The following FILIP1 variants were observed in gnomAD, a reference collection of about 807,000 sequenced individuals.
FILIP1 encodes the protein filamin A interacting protein 1.
FILIP1 carries 61 observed loss-of-function variants against 102.1 expected under a neutral mutation model. The ratio of observed to expected loss-of-function variants is 0.60; its 90% confidence interval spans 0.49 to 0.74. The LOEUF (loss-of-function observed/expected upper bound fraction) is 0.74, where lower values mean the gene tolerates loss of function less well. Among genes scored for constraint, FILIP1 ranks in the 30% least tolerant of loss-of-function variants. The pLI, the probability that FILIP1 is intolerant of heterozygous loss-of-function variation, is 0.00. For missense variants in FILIP1, 1,314 were observed against 1,441.2 expected (o/e 0.91, Z 1.43); for synonymous variants, 491 against 526.9 (o/e 0.93, Z 0.93).
intron 1 of FILIP1, among the ~76,000 whole-genome samples, chr6:75,491,971 C>T (rs566083052): frequency 3.9e-5 from 6 of 152,250 alleles, no homozygotes; most frequent in African/African-American, 1.4e-4. Context: ...TGTGACCCTT[C>T]TTAGGATAAA....
At chr6:75,359,897 A>C (rs1359387048) in intron 3 of FILIP1, among the ~76,000 whole-genome samples, 3 of 152,214 alleles carry the variant, frequency 2.0e-5, no homozygotes, top group Non-Finnish European at 2.9e-5. Context: ...GAAAAAGATC[A>C]AAGAGGTCTT....
At chr6:75,418,001 C>T (rs1777327951) in intron 1 of FILIP1, among the ~76,000 whole-genome samples, 1 of 152,160 alleles carries the variant, frequency 6.6e-6, no homozygotes, top group South Asian at 2.1e-4. Context: ...AGATCAAGAC[C>T]AGCCTGGCCA....
chr6:75,336,123 A>T (rs532300608), intron 4 of FILIP1, among the ~76,000 whole-genome samples: 1 of 152,114 alleles, frequency 6.6e-6, no homozygotes, highest in Admixed American at 6.5e-5. Context: ...TTTAATATGG[A>T]TGGGGAAACT....
At chr6:75,319,158 A>C in intron 4 of FILIP1, 1 of 731,372 alleles carries the variant, frequency 1.4e-6, no homozygotes, top group Non-Finnish European at 2.5e-6. Flanking sequence ...TTTATGCTGC[A>C]TCAGGCTTTC....
Position 75,314,359 on chromosome 6 carries a change from T to C in FILIP1, c.1473A>G (p.Glu491=). The C allele has an allele frequency of 6.6e-7, 1 of 1,519,930 alleles. No individual in the cohort carries two copies. The highest frequency in any genetic ancestry group is 1.4e-5 in the South Asian group (1 of 73,020). The allele number at this position is 1,519,930 out of a possible 1,614,324, so 94.2% of individuals were successfully genotyped here. The change falls in exon 5 of 6, where the codon GAA becomes GAG. Residue 491 remains glutamate, a synonymous_variant. Transcript: ENST00000237172. ...ECSESRLEKA[E]LSLKDDLTKL... ...TGGTAAGATCATCTTTTAGGCTTAA[T>C]TCAGCCTTTTCCAATCTACTTTCAG... is the stretch of plus-strand genomic sequence containing the variant.
chr6:75,463,510 G>A (rs1779084038), intron 1 of FILIP1, among the ~76,000 whole-genome samples: 1 of 152,154 alleles, frequency 6.6e-6, no homozygotes, highest in Non-Finnish European at 1.5e-5. Context: ...AAGCAAATCA[G>A]CTGAAAATAA....
At chr6:75,491,660 T>C (rs904601132) in intron 1 of FILIP1, among the ~76,000 whole-genome samples, 6 of 152,172 alleles carry the variant, frequency 3.9e-5, no homozygotes, top group Non-Finnish European at 7.4e-5. Flanking sequence ...CACAGAACTA[T>C]GAACTTGAGT....
chr6:75,397,134 G>A (rs558414073), intron 2 of FILIP1, among the ~76,000 whole-genome samples: 12 of 151,860 alleles, frequency 7.9e-5, no homozygotes, highest in African/African-American at 2.9e-4. Flanking sequence ...CCTGCACGTT[G>A]TGCACATGTA....
intron 2 of FILIP1, among the ~76,000 whole-genome samples, chr6:75,377,099 A>G (rs1775775065): frequency 6.6e-6 from 1 of 152,208 alleles, no homozygotes; most frequent in Non-Finnish European, 1.5e-5. Context: ...GGATGCAACC[A>G]AAGTCAAGCT....
chr6:75,319,364 C>T (rs867220211), intron 4 of FILIP1: 7 of 627,648 alleles, frequency 1.1e-5, no homozygotes, highest in Middle Eastern at 4.8e-4. Context: ...TGAAAAAGGC[C>T]GAAGGAGAGC....
Position 75,308,618 on chromosome 6 carries a change from G to T in FILIP1, c.*73C>A. The T allele has an allele frequency of 6.3e-7, 1 of 1,594,538 alleles. No individual in the cohort carries two copies. ...CTTAAATTAGTACATGTAAAGAACT[G>T]GCACAAACAGATGAAGGTTCACTTT... is the stretch of plus-strand genomic sequence containing the variant. On this transcript the variant is annotated 3_prime_UTR_variant, in exon 6 of 6. Transcript: ENST00000237172.
intron 2 of FILIP1, among the ~76,000 whole-genome samples, chr6:75,408,582 A>C (rs1292874322): frequency 6.6e-6 from 1 of 152,210 alleles, no homozygotes; most frequent in Admixed American, 6.5e-5. Context: ...GGTGTACCAG[A>C]AAACACATAG....
At chr6:75,384,598 C>A (rs189876168) in intron 2 of FILIP1, among the ~76,000 whole-genome samples, 188 of 152,120 alleles carry the variant, frequency 1.2e-3, no homozygotes, top group African/African-American at 4.2e-3. Flanking sequence ...AAGGTTACTC[C>A]TATAGCTAAT....
chr6:75,408,916 G>A (rs1373995230), intron 2 of FILIP1, among the ~76,000 whole-genome samples: 1 of 152,102 alleles, frequency 6.6e-6, no homozygotes, highest in East Asian at 1.9e-4. Context: ...GAATTGTGCA[G>A]TGCCCAGCTC....
chr6:75,470,220 C>G (rs1181137005), intron 1 of FILIP1, among the ~76,000 whole-genome samples: 3 of 151,908 alleles, frequency 2.0e-5, no homozygotes, highest in Non-Finnish European at 2.9e-5. Flanking sequence ...TAGCAAGAAA[C>G]AAAAACAACA....
chr6:75,456,823 G>A (rs1352307877), intron 1 of FILIP1, among the ~76,000 whole-genome samples: 1 of 152,020 alleles, frequency 6.6e-6, no homozygotes, highest in Non-Finnish European at 1.5e-5. Context: ...CTCCCAAAGT[G>A]TTGGGATTAC....
At chr6:75,466,149 T>C (rs1467313598) in intron 1 of FILIP1, among the ~76,000 whole-genome samples, 1 of 152,228 alleles carries the variant, frequency 6.6e-6, no homozygotes, top group Non-Finnish European at 1.5e-5. Context: ...AAAATTATAA[T>C]CTTCATTTCC....
chr6:75,349,483 TC>T (rs1774711426), intron 4 of FILIP1, among the ~76,000 whole-genome samples: 1 of 152,136 alleles, frequency 6.6e-6, no homozygotes, highest in South Asian at 2.1e-4. Flanking sequence ...ATCTCAAACT[TC>T]ACTTTCTTCC....
intron 4 of FILIP1, among the ~76,000 whole-genome samples, chr6:75,344,452 A>G (rs1034594940): frequency 1.3e-5 from 2 of 152,192 alleles, no homozygotes; most frequent in Admixed American, 6.5e-5. Flanking sequence ...GAGTTCTATC[A>G]TTTTCTGAAA....
Sources: gnomAD v4.1 joint callset for allele counts (sites outside exome capture counted in the v4.1 genomes callset) on GRCh38, gnomAD v4.1.1 for gene constraint, MANE v1.5 for transcripts, NCBI Gene and HGNC (gene_info 2026-07-23, HGNC 2026-07-21) for gene names.